The following BCL2L13 variants were observed in gnomAD, a reference collection of about 807,000 sequenced individuals.
BCL2L13 encodes bcl-2-like protein 13.
BCL2L13 carries 13 observed loss-of-function variants against 25.8 expected under a neutral mutation model. That is an observed-to-expected ratio of 0.50 (90% CI 0.33 to 0.80). The LOEUF (loss-of-function observed/expected upper bound fraction) is 0.80, where lower values mean the gene tolerates loss of function less well. BCL2L13 is among the 30% of genes least tolerant of loss of function. BCL2L13 has a pLI of 0.02. For missense variants in BCL2L13, 504 were observed against 574.9 expected (o/e 0.88, Z 1.26); for synonymous variants, 244 against 230.3 (o/e 1.06, Z -0.54).
intron 2 of BCL2L13, among the ~76,000 whole-genome samples, chr22:17,658,777 G>C (rs2058969299): frequency 6.6e-6 from 1 of 151,226 alleles, no homozygotes; most frequent in South Asian, 2.1e-4. Context: ...ACATTAATTG[G>C]GCCAGGCACG....
chr22:17,686,698 G>C (rs1167343157), intron 3 of BCL2L13, among the ~76,000 whole-genome samples: 2 of 151,546 alleles, frequency 1.3e-5, no homozygotes, highest in Non-Finnish European at 2.9e-5. Flanking sequence ...TTTAGTAGAG[G>C]TGGGGTTTCA....
chr22:17,664,596 C>G (rs1169700826), intron 2 of BCL2L13, among the ~76,000 whole-genome samples: 2 of 152,236 alleles, frequency 1.3e-5, no homozygotes, highest in Non-Finnish European at 2.9e-5. Context: ...CCACATTTCC[C>G]TTCTGCACTG....
rs550002284 is a variant in BCL2L13, at chr22:17,630,304, G to C, written c.-650+1299G>C. Among the ~76,000 whole-genome samples, 6 of 148,630 alleles carry C rather than the reference G, an allele frequency of 4.0e-5. No homozygotes were observed. In the South Asian group the frequency reaches 1.1e-3, roughly 26 times the overall value. On this transcript the variant is annotated intron_variant, in intron 1 of 6. Transcript: ENST00000399782. ...AACCCTTTCTTTTTTTTTTGAGACA[G>C]AGTCTCACTCTGTCGCCCAGGCTGC...
intron 1 of BCL2L13, among the ~76,000 whole-genome samples, chr22:17,648,503 G>C (rs2058570742): frequency 6.6e-6 from 1 of 151,874 alleles, no homozygotes; most frequent in Non-Finnish European, 1.5e-5. Context: ...TTTGACACCA[G>C]CTGGGGCAAC....
At chr22:17,718,636 C>A (rs1399826953) in intron 6 of BCL2L13, among the ~76,000 whole-genome samples, 1 of 152,126 alleles carries the variant, frequency 6.6e-6, no homozygotes, top group Non-Finnish European at 1.5e-5. Context: ...TCTGTTTTAG[C>A]CATGTGGGGT....
At chr22:17,726,609 T>TC (rs1240105590) in intron 6 of BCL2L13, 68 bp from the exon 7 acceptor site, 6 of 1,523,664 alleles carry the variant, frequency 3.9e-6, no homozygotes, top group Admixed American at 4.0e-5. Flanking sequence ...GAATTTGCTT[T>TC]CCAGATTGAT....
chr22:17,643,464 A>G (rs1418421405), intron 1 of BCL2L13, among the ~76,000 whole-genome samples: 1 of 152,060 alleles, frequency 6.6e-6, no homozygotes, highest in Non-Finnish European at 1.5e-5. Flanking sequence ...ACAATTCAAT[A>G]GGAGCTGGCA....
chr22:17,653,764 A>C (rs2058761211), intron 1 of BCL2L13, among the ~76,000 whole-genome samples: 2 of 152,012 alleles, frequency 1.3e-5, no homozygotes, highest in Non-Finnish European at 2.9e-5. Flanking sequence ...TTGTCCTTCC[A>C]AAGTGTTGGA....
chr22:17,640,012 G>A (rs1308319723), intron 1 of BCL2L13, among the ~76,000 whole-genome samples: 1 of 152,030 alleles, frequency 6.6e-6, no homozygotes, highest in Admixed American at 6.6e-5. Flanking sequence ...GCGCCACCAC[G>A]CGGGGCTAAT....
chr22:17,676,067 A>G (rs1438606350), intron 2 of BCL2L13, among the ~76,000 whole-genome samples: 1 of 152,180 alleles, frequency 6.6e-6, no homozygotes, highest in East Asian at 1.9e-4. Context: ...TAATAATACA[A>G]TTTTAGAGCA....
Position 17,713,912 on chromosome 22 carries a change from G to A in BCL2L13, c.600+11526G>A, listed in dbSNP as rs533193609. ...TCCCAACAGTTTGGGAGGCCGAGGC[G>A]GGCGAATCACTTGAGGTCAGGAGTT... On this transcript the variant is annotated intron_variant, in intron 6 of 6. Transcript: ENST00000317582. Among the ~76,000 whole-genome samples the A allele has an allele frequency of 1.1e-4, 17 of 151,684 alleles. No homozygotes were observed. In the East Asian group the frequency reaches 2.9e-3, roughly 26 times the overall value.
rs77803842 is a variant in BCL2L13, at chr22:17,629,043, A to T, written c.-650+38A>T. The T allele has an allele frequency of 4.4e-5, 10 of 225,318 alleles. No individual in the cohort carries two copies. In the Admixed American group the frequency reaches 4.5e-4, roughly 10 times the overall value. 14.0% of individuals were successfully genotyped at this position (225,318 alleles called of 1,614,324 possible). On this transcript the variant is annotated intron_variant, in intron 1 of 6. Coordinates refer to the BCL2L13 transcript ENST00000399782. ...ATGTGCCTTTATTGGAATTTTTCGCATAATTACACAGGGTTATGGGCTTAG... is the reference window on the plus strand; with the variant it reads ...ATGTGCCTTTATTGGAATTTTTCGCTTAATTACACAGGGTTATGGGCTTAG...
At chr22:17,646,897 TG>T (rs2058496405) in intron 1 of BCL2L13, among the ~76,000 whole-genome samples, 1 of 105,062 alleles carries the variant, frequency 9.5e-6, no homozygotes, top group Non-Finnish European at 2.1e-5. Flanking sequence ...TTTGTGTGTG[TG>T]TGTGTGTGTG....
At chr22:17,700,632 A>T (rs2060405641) in intron 5 of BCL2L13, among the ~76,000 whole-genome samples, 1 of 152,106 alleles carries the variant, frequency 6.6e-6, no homozygotes, top group East Asian at 1.9e-4. Flanking sequence ...CAAAATATAA[A>T]CAGTTTTTTG....
intron 6 of BCL2L13, among the ~76,000 whole-genome samples, chr22:17,722,748 A>G (rs1288937068): frequency 1.3e-5 from 2 of 152,324 alleles, no homozygotes; most frequent in South Asian, 4.1e-4. Flanking sequence ...GTAGGATTTT[A>G]TATTGGAGAT....
rs535603836 is a variant in BCL2L13 at position 17,654,325 on chromosome 22, G to A, written c.-50-1337G>A. On this transcript the variant is annotated intron_variant, in intron 1 of 6. Coordinates refer to ENST00000317582, the MANE Select transcript of BCL2L13 (RefSeq NM_015367.4). The stretch of plus-strand genomic sequence containing the variant: ...TACCATGTTACCATGTTGTCAGGCC[G>A]GTTTCAAGCAATCAACCTGCCTCTG... Among the ~76,000 whole-genome samples, 8 of 152,240 alleles carry A rather than the reference G, an allele frequency of 5.3e-5. 1 individual carries two copies. The highest frequency in any genetic ancestry group is 1.7e-4 in the African/African-American group (7 of 41,542).
chr22:17,696,706 G>A (rs73876491), intron 5 of BCL2L13, among the ~76,000 whole-genome samples: 2,245 of 152,232 alleles, frequency 0.015, 56 homozygotes, highest in African/African-American at 0.05. Flanking sequence ...TACTTAGCTA[G>A]TTAGGTAGGT....
chr22:17,697,869 C>T (rs2060311117), intron 5 of BCL2L13, among the ~76,000 whole-genome samples: 1 of 152,106 alleles, frequency 6.6e-6, no homozygotes, highest in Non-Finnish European at 1.5e-5. Flanking sequence ...AACTCTGTCG[C>T]CCAGGCCAGA....
In BCL2L13 at chr22:17,653,495, A is replaced by ATTT. The variant is rs34652783; in HGVS notation, c.-50-2147_-50-2145dup. The stretch of plus-strand genomic sequence containing the variant: ...TGTCTTCCTTACCACCTCCAGTATG[A>ATTT]TTTTTTTTTTTTTTTTTTTTTTGAG... On this transcript the variant is annotated intron_variant, in intron 1 of 6. Coordinates refer to ENST00000317582, the MANE Select transcript of BCL2L13 (RefSeq NM_015367.4). Among the ~76,000 whole-genome samples, 183 of 110,694 alleles carry ATTT rather than the reference A, an allele frequency of 1.7e-3. 1 individual carries two copies. The East Asian group carries it at 0.017, about 11-fold the overall frequency. The allele number at this position is 110,694 out of a possible 152,430, so 72.6% of individuals were successfully genotyped here.
Sources: allele counts gnomAD v4.1 joint callset (sites outside exome capture counted in the v4.1 genomes callset), GRCh38; gene constraint gnomAD v4.1.1; transcripts MANE v1.5; gene names NCBI Gene and HGNC (gene_info 2026-07-23, HGNC 2026-07-21).